The following NADK2 variants were observed in gnomAD, a reference collection of about 807,000 sequenced individuals.
The protein encoded by NADK2 is NAD kinase domain-containing protein 1, mitochondrial.
In NADK2, 35 loss-of-function variants were observed where a neutral mutation model predicts 62.1. That is an observed-to-expected ratio of 0.56 (90% CI 0.43 to 0.75). The LOEUF is 0.75. Among genes scored for constraint, NADK2 ranks in the 30% least tolerant of loss-of-function variants. The probability of loss-of-function intolerance (pLI) is 0.00; values close to 1 mark genes in which losing one functional copy is unlikely to be tolerated. For missense variants in NADK2, 439 were observed against 561.3 expected, an observed-to-expected ratio of 0.78 and a Z score of 2.20; for synonymous variants, 205 against 207.9, an observed-to-expected ratio of 0.99 and a Z score of 0.12.
intron 7 of NADK2, among the ~76,000 whole-genome samples, chr5:36,208,081 C>T (rs964888897): frequency 1.3e-5 from 2 of 151,990 alleles, no homozygotes; most frequent in African/African-American, 2.4e-5. Flanking sequence ...AAAAAAGTTA[C>T]GATAAAACCG....
chr5:36,195,398 C>G, intron 11 of NADK2, 116 bp from the exon 12 acceptor site: 1 of 1,092,956 alleles, frequency 9.1e-7, no homozygotes, highest in Non-Finnish European at 1.3e-6. Context: ...AAGTTGTTCT[C>G]TGGTATGAGA....
intron 1 of NADK2, among the ~76,000 whole-genome samples, chr5:36,233,608 T>C (rs1747789772): frequency 6.6e-6 from 1 of 152,272 alleles, no homozygotes; most frequent in Non-Finnish European, 1.5e-5. Context: ...CATACTAGGC[T>C]AAATTCTTCC....
intron 1 of NADK2, among the ~76,000 whole-genome samples, chr5:36,237,000 C>A (rs1470629301): frequency 1.3e-5 from 2 of 152,074 alleles, no homozygotes; most frequent in African/African-American, 4.8e-5. Context: ...CTTTCACCCA[C>A]CAGGTTGGCA....
chr5:36,218,765 T>C lies in NADK2; in HGVS notation c.644+831A>G, dbSNP rs769576720. Reference sequence around the variant, plus strand: ...CTGATGGTCTGACCACTGAACACATTAAGTAAAAGAAACTTTTAAAAATCC... The same window carrying C: ...CTGATGGTCTGACCACTGAACACATCAAGTAAAAGAAACTTTTAAAAATCC... On this transcript the variant is annotated intron_variant, in intron 5 of 11. Transcript: ENST00000381937. Among the ~76,000 whole-genome samples, 81 of 152,164 alleles carry C rather than the reference T, an allele frequency of 5.3e-4. 3 individuals are homozygous for C. Among genetic ancestry groups the C allele is most frequent in the Non-Finnish European group, 2.1e-4 (14 of 68,026 alleles).
At chr5:36,196,181 T>C (rs1324918464) in intron 11 of NADK2, among the ~76,000 whole-genome samples, 1 of 152,168 alleles carries the variant, frequency 6.6e-6, no homozygotes, top group Non-Finnish European at 1.5e-5. Flanking sequence ...AGGGGAATTA[T>C]TGGATCACCG....
At chr5:36,217,247 A>AT (rs1747077822) in intron 6 of NADK2, among the ~76,000 whole-genome samples, 2 of 152,200 alleles carry the variant, frequency 1.3e-5, no homozygotes, top group Non-Finnish European at 2.9e-5. Flanking sequence ...AAAATGGAGA[A>AT]TTTGCTTTAA....
intron 6 of NADK2, among the ~76,000 whole-genome samples, chr5:36,212,850 A>G (rs1424795904): frequency 6.6e-6 from 1 of 152,152 alleles, no homozygotes; most frequent in Non-Finnish European, 1.5e-5. Flanking sequence ...TGGTATTCAC[A>G]ATTTTGTGAA....
chr5:36,217,667 TTATTA>T, intron 6 of NADK2, 76 bp downstream of exon 6: 1 of 1,568,350 alleles, frequency 6.4e-7, no homozygotes, highest in Non-Finnish European at 8.7e-7. Context: ...AACAAGTAAA[TTATTA>T]CATCAAAAAA....
intron 10 of NADK2, among the ~76,000 whole-genome samples, chr5:36,199,987 C>G (rs1392157813): frequency 2.0e-5 from 3 of 151,968 alleles, no homozygotes; most frequent in Non-Finnish European, 4.4e-5. Context: ...CCCTATCCCC[C>G]AGGACATGTT....
At chr5:36,217,974 A>AT in intron 5 of NADK2, 90 bp from the exon 6 acceptor site, 1 of 1,204,580 alleles carries the variant, frequency 8.3e-7, no homozygotes, top group Non-Finnish European at 1.2e-6. Context: ...TAAATAGTTA[A>AT]TAAAAACTAG....
At chr5:36,230,738 A>C (rs954767629) in intron 1 of NADK2, among the ~76,000 whole-genome samples, 1 of 152,240 alleles carries the variant, frequency 6.6e-6, no homozygotes, top group African/African-American at 2.4e-5. Context: ...TGTTATAATT[A>C]TCTCTTACAA....
intron 6 of NADK2, among the ~76,000 whole-genome samples, chr5:36,214,734 T>A (rs1292250708): frequency 1.3e-5 from 2 of 152,136 alleles, no homozygotes; most frequent in African/African-American, 4.8e-5. Flanking sequence ...TGTTCTCTGT[T>A]TTCTCCCCAC....
chr5:36,211,611 TACA>T (rs1746847275), intron 7 of NADK2, among the ~76,000 whole-genome samples: 1 of 152,064 alleles, frequency 6.6e-6, no homozygotes. Flanking sequence ...TGGGACACAG[TACA>T]ATAACTTTAT....
Position 36,226,524 on chromosome 5 carries a change from T to C in NADK2, c.429A>G (p.Glu143=). ...GIEVRLVKRR[E]YDEETVRWAD... Reference sequence around the variant, plus strand: ...CCCATCGAACAGTCTCTTCATCATATTCTCTCCTCTTTACTAGACGAACCT... The same window carrying C: ...CCCATCGAACAGTCTCTTCATCATACTCTCTCCTCTTTACTAGACGAACCT... Residue 143 remains glutamate, a synonymous_variant, in exon 3 of 12, where the codon GAA becomes GAG. Transcript: ENST00000381937. 1 of 1,613,176 alleles carries C rather than the reference T, an allele frequency of 6.2e-7. No individual in the cohort carries two copies. Among genetic ancestry groups the C allele is most frequent in the Middle Eastern group, 1.7e-4 (1 of 6,058 alleles).
intron 4 of NADK2, among the ~76,000 whole-genome samples, chr5:36,224,454 G>A (rs1747399841): frequency 6.6e-6 from 1 of 151,914 alleles, no homozygotes; most frequent in African/African-American, 2.4e-5. Context: ...CCACTCAGGA[G>A]GCTGAGGCAG....
At chr5:36,219,535 A>C in intron 5 of NADK2, 61 bp downstream of exon 5, 1 of 1,426,464 alleles carries the variant, frequency 7.0e-7, no homozygotes, top group South Asian at 1.2e-5. Flanking sequence ...TTTTAACAGC[A>C]TTATTAATGG....
chr5:36,201,468 G>A (rs1007359249), intron 8 of NADK2, among the ~76,000 whole-genome samples: 1 of 151,654 alleles, frequency 6.6e-6, no homozygotes, highest in African/African-American at 2.4e-5. Context: ...ACAAAGATAG[G>A]TACAAAAATA....
chr5:36,225,397 A>T (rs1236342455), intron 4 of NADK2, 145 bp downstream of exon 4: 1 of 624,820 alleles, frequency 1.6e-6, no homozygotes, highest in Non-Finnish European at 2.7e-6. Context: ...CATGGTCAAG[A>T]AAATAAAAAA....
intron 1 of NADK2, among the ~76,000 whole-genome samples, chr5:36,240,418 T>C (rs1748062876): frequency 6.6e-6 from 1 of 152,204 alleles, no homozygotes; most frequent in African/African-American, 2.4e-5. Context: ...TTCGCTAAGA[T>C]CACACGATAC....
Sources: allele counts gnomAD v4.1 joint callset (sites outside exome capture counted in the v4.1 genomes callset), GRCh38; gene constraint gnomAD v4.1.1; transcripts MANE v1.5; gene names NCBI Gene and HGNC (gene_info 2026-07-23, HGNC 2026-07-21).